COG3: variants seen among roughly 807,000 people sequenced by gnomAD.
The protein encoded by COG3 is conserved oligomeric Golgi complex subunit 3.
Under a neutral mutation model 114.1 loss-of-function variants are expected in COG3, and 32 were observed. The ratio of observed to expected loss-of-function variants is 0.28; its 90% CI spans 0.21 to 0.38. The LOEUF (loss-of-function observed/expected upper bound fraction) is 0.38. Ranked by LOEUF, COG3 falls within the 10% of genes least tolerant of loss-of-function variation. The pLI is 1.00. For synonymous variants in COG3, 352 were observed against 365.7 expected, an observed-to-expected ratio of 0.96 and a Z score of 0.43; for missense variants, 813 against 973.2, an observed-to-expected ratio of 0.84 and a Z score of 2.19.
intron 1 of COG3, among the ~76,000 whole-genome samples, chr13:45,473,371 A>T (rs952073400): frequency 5.3e-5 from 8 of 152,090 alleles, no homozygotes; most frequent in African/African-American, 1.4e-4. Context: ...GGTACAAGCA[A>T]CATTTCTTTC....
chr13:45,483,158 T>TG, intron 6 of COG3, 72 bp from the exon 7 acceptor site: 1 of 1,157,290 alleles, frequency 8.6e-7, no homozygotes. Context: ...AGGGACACCT[T>TG]GGTTTTCACT....
chr13:45,489,261 T>TAAAAAAAAAA (rs1180674485), intron 8 of COG3, among the ~76,000 whole-genome samples: 5 of 1,030 alleles, frequency 4.9e-3, no homozygotes, highest in Admixed American at 0.011. Flanking sequence ...AGACCCAGCC[T>TAAAAAAAAAA]CAAAAAAAAA....
intron 13 of COG3, among the ~76,000 whole-genome samples, chr13:45,498,316 A>G (rs1869068744): frequency 6.7e-6 from 1 of 149,318 alleles, no homozygotes; most frequent in Admixed American, 6.7e-5. Flanking sequence ...TTATTTATAT[A>G]TAGTCCATAT....
chr13:45,503,921 G>A (rs1337110123), intron 14 of COG3, among the ~76,000 whole-genome samples: 1 of 152,156 alleles, frequency 6.6e-6, no homozygotes, highest in South Asian at 2.1e-4. Context: ...CATACTGAGT[G>A]TCTGGGACTG....
chr13:45,515,938 G>C (rs553010689), intron 16 of COG3, among the ~76,000 whole-genome samples: 66 of 152,310 alleles, frequency 4.3e-4, no homozygotes, highest in Non-Finnish European at 9.0e-4. Context: ...TTTTAAAGTA[G>C]AGCAAGTGAC....
intron 6 of COG3, 90 bp from the exon 7 acceptor site, chr13:45,483,140 C>G: frequency 1.2e-6 from 1 of 862,894 alleles, no homozygotes; most frequent in East Asian, 2.7e-5. Context: ...TTATATATTG[C>G]TTTACATAGG....
chr13:45,532,847 G>A (rs1287415675), intron 22 of COG3, among the ~76,000 whole-genome samples: 2 of 152,052 alleles, frequency 1.3e-5, no homozygotes, highest in Non-Finnish European at 2.9e-5. Flanking sequence ...GTGAGCCACC[G>A]TGCCTGGCCA....
rs1434069875 is a variant in COG3 at position 45,503,283 on chromosome 13, C to T, written c.1528C>T (p.Pro510Ser). Residue 510 changes from proline to serine, a missense_variant, in exon 14 of 23, where the codon CCT (proline) becomes TCT (serine). Around this residue, in one of 2 missense-constraint regions of COG3, gnomAD observed 389 missense variants for 542.6 expected, o/e 0.72. Transcript: ENST00000349995. ...TTTGAAAGATGAACAGAAGAAGGTA[C>T]CTTCAGAAGCTTCATTTTCAGATGT... ...QSLKDEQKKV[P>S]SEASFSDVHL... 6.2e-7 allele frequency: 1 copy of T among 1,606,012 alleles called. No individual in the cohort carries two copies. Among genetic ancestry groups the T allele is most frequent in the East Asian group, 2.2e-5 (1 of 44,852 alleles).
At chr13:45,482,668 T>C (rs1286929214) in intron 6 of COG3, among the ~76,000 whole-genome samples, 195 bp downstream of exon 6, 1 of 152,218 alleles carries the variant, frequency 6.6e-6, no homozygotes, top group Non-Finnish European at 1.5e-5. Context: ...TGTAGTGAAT[T>C]CTTAGTCGTT....
intron 1 of COG3, among the ~76,000 whole-genome samples, chr13:45,470,168 G>A (rs1323685053): frequency 6.6e-6 from 1 of 152,178 alleles, no homozygotes; most frequent in Non-Finnish European, 1.5e-5. Flanking sequence ...AGTGAAAAAG[G>A]GGAGGTGTGT....
chr13:45,486,751 G>A (rs1476231912), intron 8 of COG3, among the ~76,000 whole-genome samples, 176 bp downstream of exon 8: 2 of 152,158 alleles, frequency 1.3e-5, no homozygotes, highest in African/African-American at 2.4e-5. Flanking sequence ...GGTTCTTTAA[G>A]TCCACAGAGC....
At chr13:45,514,815 T>G (rs908944960) in intron 16 of COG3, among the ~76,000 whole-genome samples, 9 of 151,968 alleles carry the variant, frequency 5.9e-5, no homozygotes, top group African/African-American at 2.2e-4. Context: ...GCCCGGCTAA[T>G]TTTTGTATTT....
chr13:45,489,687 A>G (rs984808971), intron 8 of COG3, among the ~76,000 whole-genome samples: 1 of 152,200 alleles, frequency 6.6e-6, no homozygotes, highest in Non-Finnish European at 1.5e-5. Context: ...AAAACTAGAC[A>G]GAAAATTATA....
chr13:45,481,088 T>A, intron 4 of COG3, 142 bp from the exon 5 acceptor site: 2 of 634,788 alleles, frequency 3.2e-6, no homozygotes, highest in Non-Finnish European at 5.7e-6. Flanking sequence ...TAGTTCATGA[T>A]TGTAGAAATA....
intron 19 of COG3, among the ~76,000 whole-genome samples, chr13:45,523,127 G>C (rs1362202565): frequency 1.3e-5 from 2 of 148,386 alleles, no homozygotes; most frequent in Non-Finnish European, 3.0e-5. Flanking sequence ...ATAATTCCAG[G>C]TTTGTAGCTA....
chr13:45,506,144 G>A (rs145791290), intron 14 of COG3, among the ~76,000 whole-genome samples: 14 of 152,244 alleles, frequency 9.2e-5, no homozygotes, highest in Admixed American at 3.3e-4. Flanking sequence ...CAGCACTGCC[G>A]TAGAGCTGTA....
chr13:45,523,250 AT>A (rs1434140454), intron 19 of COG3, among the ~76,000 whole-genome samples: 1 of 151,654 alleles, frequency 6.6e-6, no homozygotes, highest in African/African-American at 2.4e-5. Context: ...TTACGAGTTT[AT>A]TCTTAATATT....
At chr13:45,483,467 C>G in intron 7 of COG3, 112 bp downstream of exon 7, 2 of 752,526 alleles carry the variant, frequency 2.7e-6, no homozygotes, top group Non-Finnish European at 2.0e-6. Flanking sequence ...AAAATTTTAA[C>G]CTTTTGTTAA....
chr13:45,529,892 G>A lies in COG3; in HGVS notation c.2332G>A (p.Glu778Lys). Residue 778 changes from glutamate to lysine, a missense_variant, in exon 21 of 23, where the codon GAG becomes AAG. Coordinates refer to ENST00000349995, the MANE Select transcript of COG3 (RefSeq NM_031431.4). Reference protein sequence around the residue: ...MSLYLSNKDTEFILFKPVRNN... With the variant: ...MSLYLSNKDTKFILFKPVRNN... ...CTTGTACCTATCCAATAAAGATACC[G>A]AGTTCATCTTGTTTAAACCTGTGAG... 6 of 1,611,326 alleles carry A rather than the reference G, an allele frequency of 3.7e-6. No homozygotes were observed. The highest frequency in any genetic ancestry group is 5.1e-6 in the Non-Finnish European group (6 of 1,179,080).
Sources: gnomAD v4.1 joint callset for allele counts (sites outside exome capture counted in the v4.1 genomes callset) on GRCh38, gnomAD v4.1.1 for gene constraint, gnomAD v4.1.1 regional missense constraint, MANE v1.5 for transcripts, NCBI Gene and HGNC (gene_info 2026-07-23, HGNC 2026-07-21) for gene names.